Variants in ACSS3 observed in about 807,000 individuals in gnomAD.
The protein encoded by ACSS3 is acyl-CoA synthetase short chain family member 3.
In ACSS3, 64 loss-of-function variants were observed where a neutral mutation model predicts 84.2. The ratio of observed to expected loss-of-function variants is 0.76; its 90% CI spans 0.62 to 0.94. The LOEUF is 0.94. Ranked by LOEUF, ACSS3 falls within the 40% of genes least tolerant of loss-of-function variation. ACSS3 has a pLI of 0.00. For synonymous variants in ACSS3, 317 were observed against 310.1 expected, an observed-to-expected ratio of 1.02 and a Z score of -0.23; for missense variants, 815 against 867.6, an observed-to-expected ratio of 0.94 and a Z score of 0.76.
chr12:81,153,891 T>G (rs1002119503), intron 7 of ACSS3, among the ~76,000 whole-genome samples: 6 of 152,220 alleles, frequency 3.9e-5, no homozygotes, highest in African/African-American at 1.2e-4. Flanking sequence ...TAAGAAATAT[T>G]AAGGTAGACT....
chr12:81,145,863 T>C (rs1296234146), intron 5 of ACSS3, among the ~76,000 whole-genome samples: 2 of 152,180 alleles, frequency 1.3e-5, no homozygotes, highest in Non-Finnish European at 2.9e-5. Flanking sequence ...TGTAGGTCAC[T>C]GGGGTACAGG....
At chr12:81,209,786 A>G (rs1337756807) in intron 9 of ACSS3, among the ~76,000 whole-genome samples, 1 of 152,132 alleles carries the variant, frequency 6.6e-6, no homozygotes, top group African/African-American at 2.4e-5. Context: ...AGTTTTCCAG[A>G]AAAGGGGTGA....
At chr12:81,201,851 G>T (rs2032124961) in intron 9 of ACSS3, among the ~76,000 whole-genome samples, 1 of 152,164 alleles carries the variant, frequency 6.6e-6, no homozygotes, top group Non-Finnish European at 1.5e-5. Context: ...ATTATTTTGT[G>T]CTTTGTAAAA....
chr12:81,220,971 T>G (rs1405678033), intron 11 of ACSS3, among the ~76,000 whole-genome samples: 1 of 152,118 alleles, frequency 6.6e-6, no homozygotes, highest in East Asian at 1.9e-4. Context: ...GAAGTATAAT[T>G]ACTGGGTCAA....
intron 8 of ACSS3, among the ~76,000 whole-genome samples, chr12:81,175,890 T>TA (rs1171293928): frequency 6.6e-6 from 1 of 151,912 alleles, no homozygotes; most frequent in Non-Finnish European, 1.5e-5. Flanking sequence ...TACATGCCCA[T>TA]AAAAAAGTTA....
At chr12:81,183,565 C>G (rs1757738227) in intron 8 of ACSS3, among the ~76,000 whole-genome samples, 1 of 151,944 alleles carries the variant, frequency 6.6e-6, no homozygotes, top group Non-Finnish European at 1.5e-5. Flanking sequence ...CCACTTAGGC[C>G]TTAAGGACAC....
chr12:81,136,761 GGC>G (rs1885824033), intron 3 of ACSS3, among the ~76,000 whole-genome samples: 1 of 152,160 alleles, frequency 6.6e-6, no homozygotes. Flanking sequence ...TTTTTGAACA[GGC>G]AAGTGTCATG....
intron 4 of ACSS3, among the ~76,000 whole-genome samples, chr12:81,142,241 C>T (rs775052056): frequency 2.6e-4 from 40 of 152,124 alleles, no homozygotes; most frequent in South Asian, 2.1e-4. Context: ...CTAACATGTT[C>T]GCCAATTATA....
At chr12:81,097,513 A>G (rs1423459511) in intron 1 of ACSS3, among the ~76,000 whole-genome samples, 1 of 152,086 alleles carries the variant, frequency 6.6e-6, no homozygotes, top group East Asian at 1.9e-4. Flanking sequence ...ATATTTCTCA[A>G]ACACCTCCCT....
At chr12:81,121,575 A>G (rs1355687001) in intron 2 of ACSS3, among the ~76,000 whole-genome samples, 1 of 152,194 alleles carries the variant, frequency 6.6e-6, no homozygotes, top group African/African-American at 2.4e-5. Context: ...TAGTACATAA[A>G]TAAAGCCAAA....
chr12:81,178,255 A>G (rs1170110368), intron 8 of ACSS3, among the ~76,000 whole-genome samples: 2 of 148,262 alleles, frequency 1.3e-5, no homozygotes, highest in Admixed American at 6.8e-5. Flanking sequence ...ATAGGTGGGA[A>G]TTGAACAATG....
chr12:81,219,378 A>G (rs951180270), intron 10 of ACSS3, among the ~76,000 whole-genome samples: 4 of 152,124 alleles, frequency 2.6e-5, no homozygotes, highest in African/African-American at 4.8e-5. Context: ...ACCTGGATGA[A>G]TGAGGCCACA....
intron 1 of ACSS3, among the ~76,000 whole-genome samples, chr12:81,108,608 G>A (rs1206030123): frequency 2.0e-5 from 3 of 152,132 alleles, no homozygotes; most frequent in African/African-American, 7.2e-5. Context: ...TGCTGCCACT[G>A]TATCTGTAGC....
At chr12:81,228,450 G>A (rs1486724943) in intron 11 of ACSS3, among the ~76,000 whole-genome samples, 1 of 151,906 alleles carries the variant, frequency 6.6e-6, no homozygotes, top group South Asian at 2.1e-4. Flanking sequence ...CTGGAAGCCT[G>A]TGTCCTTAAG....
intron 8 of ACSS3, among the ~76,000 whole-genome samples, chr12:81,185,972 A>C (rs1363824644): frequency 2.0e-5 from 3 of 151,908 alleles, no homozygotes; most frequent in Non-Finnish European, 4.4e-5. Flanking sequence ...ACAAAGCTAT[A>C]GTAATCAAAA....
At chr12:81,192,437 G>A (rs745754276) in intron 8 of ACSS3, among the ~76,000 whole-genome samples, 2 of 152,094 alleles carry the variant, frequency 1.3e-5, no homozygotes, top group African/African-American at 2.4e-5. Context: ...TAGCTATATT[G>A]AGATACCAGA....
At position 81,257,732 on chromosome 12, in the gene ACSS3, T is replaced by C. The variant is rs565245105; in HGVS notation, c.*2810T>C. 7.2e-5 allele frequency: 11 copies of C among 152,246 alleles called. No homozygotes were observed. Among genetic ancestry groups the C allele is most frequent in the Admixed American group, 5.2e-4 (8 of 15,270 alleles). 9.4% of individuals were successfully genotyped at this position (152,246 alleles called of 1,614,324 possible). ...ATTAAAAATGTGAAAATTTATAATG[T>C]TGATGATCAAAAGTAACGTGTTGAG... On this transcript the variant is annotated 3_prime_UTR_variant, in exon 16 of 16. Transcript: ENST00000548058.
intron 11 of ACSS3, among the ~76,000 whole-genome samples, chr12:81,225,206 T>C (rs2033232727): frequency 6.6e-6 from 1 of 151,762 alleles, no homozygotes; most frequent in Admixed American, 6.6e-5. Flanking sequence ...TAAAAACACA[T>C]GATTCCAATT....
intron 1 of ACSS3, among the ~76,000 whole-genome samples, chr12:81,087,429 G>T (rs1881389549): frequency 6.6e-6 from 1 of 151,522 alleles, no homozygotes; most frequent in African/African-American, 2.4e-5. Flanking sequence ...GGAGGAAGGA[G>T]GAAAGAGGAA....
Sources: allele counts gnomAD v4.1 joint callset (sites outside exome capture counted in the v4.1 genomes callset), GRCh38; gene constraint gnomAD v4.1.1; transcripts MANE v1.5; gene names NCBI Gene and HGNC (gene_info 2026-07-23, HGNC 2026-07-21).